CCDC7: variants seen among roughly 807,000 people sequenced by gnomAD.
CCDC7 encodes coiled-coil domain containing 7, also known as coiled-coil domain-containing protein 7.
A neutral mutation model predicts 196.9 loss-of-function variants in CCDC7; 183 were observed. The ratio of observed to expected loss-of-function variants is 0.93; its 90% CI spans 0.82 to 1.05. The LOEUF (loss-of-function observed/expected upper bound fraction) is 1.05. CCDC7 is among the 50% of genes least tolerant of loss of function. CCDC7 has a pLI of 0.00. For synonymous variants in CCDC7, 525 were observed against 484.6 expected, an observed-to-expected ratio of 1.08 and a Z score of -1.10; for missense variants, 1,540 against 1,482.2, an observed-to-expected ratio of 1.04 and a Z score of -0.64.
chr10:32,468,248 A>G (rs3006716), intron 5 of CCDC7, among the ~76,000 whole-genome samples: 21,000 of 152,040 alleles, frequency 0.14, 1,757 homozygotes, highest in East Asian at 0.25. Context: ...TGTTTGTGTC[A>G]TTTCTGATTT....
rs117706801 is a variant in CCDC7 at position 32,807,312 on chromosome 10, G to T, written c.3097+2214G>T. Among the ~76,000 whole-genome samples the T allele has an allele frequency of 7.9e-3, 1,202 of 151,784 alleles. 7 individuals carry two copies. The highest frequency in any genetic ancestry group is 0.02 in the Middle Eastern group (6 of 294). On this transcript the variant is annotated intron_variant, in intron 30 of 41. Transcript: ENST00000639629. ...AAATATTTACAGAATTTTATTGCTG[G>T]GACTTTAAAATATAGACATGTAGTA...
At chr10:32,651,104 C>T (rs1362262963) in intron 20 of CCDC7, among the ~76,000 whole-genome samples, 1 of 152,136 alleles carries the variant, frequency 6.6e-6, no homozygotes, top group Admixed American at 6.5e-5. Context: ...CAGCTTTGCA[C>T]CTGCTGCAGC....
chr10:32,467,669 T>C (rs1564365427), intron 5 of CCDC7, among the ~76,000 whole-genome samples: 1 of 152,222 alleles, frequency 6.6e-6, no homozygotes, highest in Non-Finnish European at 1.5e-5. Context: ...CATTCCTATG[T>C]CCAGAATGGT....
chr10:32,506,902 C>G (rs1266247417), intron 9 of CCDC7, among the ~76,000 whole-genome samples: 1 of 152,134 alleles, frequency 6.6e-6, no homozygotes, highest in Non-Finnish European at 1.5e-5. Context: ...TATATAACGA[C>G]CTTTGTCTCA....
chr10:32,499,915 T>C (rs1342581871), intron 9 of CCDC7, among the ~76,000 whole-genome samples: 2 of 152,188 alleles, frequency 1.3e-5, no homozygotes, highest in Admixed American at 6.5e-5. Context: ...AGCATGGGGT[T>C]GGGGGTAAGG....
intron 21 of CCDC7, among the ~76,000 whole-genome samples, chr10:32,678,698 T>A (rs1414110444): frequency 1.3e-5 from 2 of 152,158 alleles, no homozygotes; most frequent in Non-Finnish European, 2.9e-5. Flanking sequence ...AGTCCAATGC[T>A]CACTTTATTC....
At chr10:32,522,763 G>C (rs372837515) in intron 11 of CCDC7, among the ~76,000 whole-genome samples, 101 of 152,046 alleles carry the variant, frequency 6.6e-4, no homozygotes, top group African/African-American at 2.3e-3. Flanking sequence ...TTATTTATGT[G>C]AAATTTTTCT....
At chr10:32,538,452 C>A (rs905459585) in intron 11 of CCDC7, among the ~76,000 whole-genome samples, 2 of 152,186 alleles carry the variant, frequency 1.3e-5, no homozygotes, top group African/African-American at 4.8e-5. Flanking sequence ...CACTTCCTCT[C>A]TTCCTATCTG....
intron 31 of CCDC7, among the ~76,000 whole-genome samples, chr10:32,817,674 G>T (rs1450177998): frequency 6.6e-6 from 1 of 152,180 alleles, no homozygotes; most frequent in Non-Finnish European, 1.5e-5. Flanking sequence ...GAGAGTGGGG[G>T]CCAATATTCA....
intron 18 of CCDC7, among the ~76,000 whole-genome samples, chr10:32,610,579 A>AC (rs1259871120): frequency 4.6e-5 from 7 of 151,698 alleles, no homozygotes; most frequent in African/African-American, 1.7e-4. Context: ...CTTGCCCTCT[A>AC]CCCCCACAAC....
chr10:32,877,690 C>A (rs2094637512), downstream of CCDC7, among the ~76,000 whole-genome samples: 1 of 152,032 alleles, frequency 6.6e-6, no homozygotes, highest in African/African-American at 2.4e-5. Flanking sequence ...TGAAGCTCTG[C>A]CTTTATAGAA....
chr10:32,859,482 G>A (rs184760528), intron 41 of CCDC7, among the ~76,000 whole-genome samples: 1 of 152,146 alleles, frequency 6.6e-6, no homozygotes, highest in East Asian at 1.9e-4. Flanking sequence ...ATCTAAAATC[G>A]ACACACTAAC....
In CCDC7 at chr10:32,694,961, CA is replaced by C. The variant is rs1353275994; in HGVS notation, c.2433del (p.Lys811AsnfsTer34). The C allele has an allele frequency of 1.9e-6, 3 of 1,599,142 alleles. No homozygotes were observed. Among genetic ancestry groups the C allele is most frequent in the South Asian group, 1.1e-5 (1 of 88,160 alleles). ...AACTGGAAATGCAAATTGAAAAAAC[CA>C]AAAAACTTCCTAGAGAGAAAAGACA... On this transcript the variant is annotated frameshift_variant, in exon 24 of 42. Transcript: ENST00000639629. LOFTEE classifies it high-confidence loss of function.
chr10:32,498,640 G>A (rs2043295861), intron 9 of CCDC7, among the ~76,000 whole-genome samples: 1 of 152,038 alleles, frequency 6.6e-6, no homozygotes, highest in Non-Finnish European at 1.5e-5. Flanking sequence ...CTTTGCTTAG[G>A]AAGCTTAGTT....
At position 32,800,932 on chromosome 10, in the gene CCDC7, A is replaced by G. The variant is rs1248206671; in HGVS notation, c.3014-4083A>G. ...ACTTCTAGAAACACCGTGATTAATT[A>G]GCCAATGCCAGAGCTCTACATGAGT... On this transcript the variant is annotated intron_variant, in intron 29 of 41. Coordinates refer to ENST00000639629, the Ensembl canonical transcript of CCDC7. Among the ~76,000 whole-genome samples, 6 of 152,268 alleles carry G rather than the reference A, an allele frequency of 3.9e-5. No homozygotes were observed. The East Asian group carries it at 1.2e-3, about 29-fold the overall frequency.
intron 41 of CCDC7, among the ~76,000 whole-genome samples, chr10:32,871,586 G>C (rs1316739486): frequency 2.6e-5 from 4 of 151,400 alleles, no homozygotes; most frequent in Non-Finnish European, 5.9e-5. Flanking sequence ...AGGGTTTTTT[G>C]TGTCTCTATT....
intron 16 of CCDC7, among the ~76,000 whole-genome samples, chr10:32,582,661 T>A (rs2058857963): frequency 1.3e-5 from 2 of 152,262 alleles, no homozygotes; most frequent in South Asian, 4.1e-4. Context: ...GATATTTTAA[T>A]TTTCATTCTG....
intron 28 of CCDC7, among the ~76,000 whole-genome samples, chr10:32,765,986 T>C (rs1463139109): frequency 3.3e-5 from 5 of 152,110 alleles, no homozygotes; most frequent in Non-Finnish European, 7.4e-5. Flanking sequence ...CTCTCTATCA[T>C]AATTTAGTTT....
At chr10:32,767,327 T>G (rs1255494500) in intron 28 of CCDC7, among the ~76,000 whole-genome samples, 1 of 152,168 alleles carries the variant, frequency 6.6e-6, no homozygotes, top group Non-Finnish European at 1.5e-5. Flanking sequence ...CTAATTTTTA[T>G]ACACTGGTCA....
Sources: gnomAD v4.1 joint callset for allele counts (sites outside exome capture counted in the v4.1 genomes callset) on GRCh38, gnomAD v4.1.1 for gene constraint, MANE v1.5 for transcripts, NCBI Gene and HGNC (gene_info 2026-07-23, HGNC 2026-07-21) for gene names.